KCNIP4: variants seen among roughly 807,000 people sequenced by gnomAD.
KCNIP4 encodes the protein Kv channel-interacting protein 4.
A neutral mutation model predicts 34.0 loss-of-function variants in KCNIP4; 12 were observed. The ratio of observed to expected loss-of-function variants is 0.35; its 90% CI spans 0.23 to 0.57. The LOEUF (loss-of-function observed/expected upper bound fraction) is 0.57. Among genes scored for constraint, KCNIP4 ranks in the 20% least tolerant of loss-of-function variants. KCNIP4 has a pLI of 0.83. For missense variants in KCNIP4, 238 were observed against 311.7 expected (o/e 0.76, Z 1.78); for synonymous variants, 124 against 102.2 (o/e 1.21, Z -1.29).
At chr4:20,931,190 CACACACAG>C (rs1456552292) in intron 1 of KCNIP4, among the ~76,000 whole-genome samples, 1 of 151,548 alleles carries the variant, frequency 6.6e-6, no homozygotes, top group Non-Finnish European at 1.5e-5. Flanking sequence ...CACACACACA[CACACACAG>C]ACACACACAC....
At chr4:21,266,947 G>A (rs1452794123) in intron 1 of KCNIP4, among the ~76,000 whole-genome samples, 2 of 152,156 alleles carry the variant, frequency 1.3e-5, no homozygotes, top group Admixed American at 6.6e-5. Flanking sequence ...GGTTAGCTAA[G>A]GTCTTGGGCT....
chr4:21,369,411 C>T (rs1369757001), intron 1 of KCNIP4, among the ~76,000 whole-genome samples: 2 of 146,914 alleles, frequency 1.4e-5, no homozygotes, highest in Admixed American at 6.6e-5. Flanking sequence ...GTTCTACCAT[C>T]GTTTAGGGAT....
chr4:20,731,603 G>A (rs891039978), intron 8 of KCNIP4: 28 of 984,968 alleles, frequency 2.8e-5, no homozygotes, highest in African/African-American at 3.5e-5. Flanking sequence ...TAGAAGCTTG[G>A]CCTGTTGTGA....
At chr4:20,987,136 T>C (rs767536949) in intron 1 of KCNIP4, among the ~76,000 whole-genome samples, 13 of 152,018 alleles carry the variant, frequency 8.6e-5, no homozygotes, top group African/African-American at 3.1e-4. Flanking sequence ...GAAAGAAGAG[T>C]TGCCTGCATA....
intron 1 of KCNIP4, among the ~76,000 whole-genome samples, chr4:21,122,967 T>C (rs1444688568): frequency 6.6e-6 from 1 of 152,140 alleles, no homozygotes; most frequent in African/African-American, 2.4e-5. Context: ...TCCCAGCACT[T>C]TGGGAGGCCA....
chr4:21,179,617 G>A (rs1397069804), intron 1 of KCNIP4, among the ~76,000 whole-genome samples: 3 of 152,184 alleles, frequency 2.0e-5, no homozygotes, highest in African/African-American at 7.2e-5. Flanking sequence ...ATAAATGCAT[G>A]TGATGTCTGC....
At chr4:21,499,491 G>T (rs558454712) in intron 1 of KCNIP4, among the ~76,000 whole-genome samples, 1 of 152,002 alleles carries the variant, frequency 6.6e-6, no homozygotes, top group African/African-American at 2.4e-5. Context: ...GTTTTTAAAT[G>T]ATAGCATAAA....
At chr4:21,203,266 G>A (rs1391397120) in intron 1 of KCNIP4, among the ~76,000 whole-genome samples, 1 of 152,174 alleles carries the variant, frequency 6.6e-6, no homozygotes, top group Non-Finnish European at 1.5e-5. Context: ...TGCACAGCAG[G>A]AAGAGACTCA....
intron 1 of KCNIP4, among the ~76,000 whole-genome samples, chr4:20,984,923 A>G (rs1736436226): frequency 6.6e-6 from 1 of 152,020 alleles, no homozygotes. Flanking sequence ...TAAGAAGCCC[A>G]GGTGACTCTT....
intron 1 of KCNIP4, among the ~76,000 whole-genome samples, chr4:21,306,873 T>G (rs1034285842): frequency 4.0e-5 from 6 of 151,744 alleles, no homozygotes; most frequent in African/African-American, 9.7e-5. Context: ...CACATTGGAG[T>G]GCAATGGTGA....
chr4:20,898,191 A>G (rs1491360), intron 1 of KCNIP4, among the ~76,000 whole-genome samples: 54,376 of 151,862 alleles, frequency 0.36, 11,459 homozygotes, highest in East Asian at 0.5. Flanking sequence ...TCAGACTCCA[A>G]CTTGATTATG....
intron 3 of KCNIP4, among the ~76,000 whole-genome samples, chr4:20,812,207 T>C (rs972789898): frequency 2.0e-5 from 3 of 152,178 alleles, no homozygotes; most frequent in Non-Finnish European, 4.4e-5. Context: ...TGTGAGTCTG[T>C]TGTTCTTTAT....
chr4:21,444,703 T>G (rs901952405), intron 1 of KCNIP4, among the ~76,000 whole-genome samples: 4 of 152,180 alleles, frequency 2.6e-5, no homozygotes, highest in African/African-American at 7.2e-5. Context: ...GCATTCCCTT[T>G]GAAAACTGGC....
intron 1 of KCNIP4, among the ~76,000 whole-genome samples, chr4:21,717,564 T>A (rs1307933140): frequency 6.6e-6 from 1 of 152,088 alleles, no homozygotes; most frequent in Admixed American, 6.6e-5. Context: ...ATAAAACCCA[T>A]CTTGCAAGTT....
chr4:20,914,261 C>T (rs796503984), intron 1 of KCNIP4, among the ~76,000 whole-genome samples: 6 of 152,268 alleles, frequency 3.9e-5, no homozygotes, highest in African/African-American at 1.4e-4. Flanking sequence ...ATTATGATCG[C>T]TATAAACATT....
At chr4:21,108,584 A>G (rs28867983) in intron 1 of KCNIP4, among the ~76,000 whole-genome samples, 39,833 of 151,290 alleles carry the variant, frequency 0.26, 6,237 homozygotes, top group African/African-American at 0.4. Flanking sequence ...ATCTGAAGCC[A>G]TCTTCTCTCA....
At chr4:21,420,648 A>G (rs768491887) in intron 1 of KCNIP4, among the ~76,000 whole-genome samples, 6 of 152,188 alleles carry the variant, frequency 3.9e-5, no homozygotes, top group Non-Finnish European at 7.3e-5. Context: ...TCTAAGTGGA[A>G]TAACTGCTAT....
chr4:21,912,031 T>C (rs1482179900), intron 1 of KCNIP4, among the ~76,000 whole-genome samples: 2 of 152,192 alleles, frequency 1.3e-5, no homozygotes, highest in Non-Finnish European at 2.9e-5. Context: ...CTCTTTTACA[T>C]CAGGCAATTG....
intron 1 of KCNIP4, among the ~76,000 whole-genome samples, chr4:21,687,360 C>T (rs1560629473): frequency 6.7e-6 from 1 of 150,264 alleles, no homozygotes; most frequent in Non-Finnish European, 1.5e-5. Context: ...ACAATTCTAC[C>T]AACCTGGGAA....
Sources: gnomAD v4.1 joint callset for allele counts (sites outside exome capture counted in the v4.1 genomes callset) on GRCh38, gnomAD v4.1.1 for gene constraint, MANE v1.5 for transcripts, NCBI Gene and HGNC (gene_info 2026-07-23, HGNC 2026-07-21) for gene names.